STAB2: variants seen among roughly 807,000 people sequenced by gnomAD.
STAB2 encodes stabilin 2, also known as stabilin-2.
Under a neutral mutation model 338.1 loss-of-function variants are expected in STAB2, and 288 were observed. The observed-to-expected ratio is 0.85, with a 90% confidence interval of 0.77 to 0.94. The LOEUF (loss-of-function observed/expected upper bound fraction) is 0.94. Ranked by LOEUF, STAB2 falls within the 40% of genes least tolerant of loss-of-function variation. STAB2 has a pLI of 0.00. For synonymous variants in STAB2, 1,202 were observed against 1,193.3 expected (o/e 1.01, Z -0.15); for missense variants, 3,141 against 3,210.1 (o/e 0.98, Z 0.52).
At position 103,640,267 on chromosome 12, in the gene STAB2, T is replaced by C. The variant is rs1463931098; in HGVS notation, c.1040+11T>C. The stretch of plus-strand genomic sequence containing the variant: ...ACCAGGCCGAACTGAGTAAGTCTTT[T>C]CAATTCCTCCACCAACATTTCCAAG... On this transcript the variant is annotated intron_variant, in intron 9 of 68. Transcript: ENST00000388887. 2.5e-6 allele frequency: 4 copies of C among 1,604,058 alleles called. No homozygotes were observed. The highest frequency in any genetic ancestry group is 3.4e-5 in the Admixed American group (2 of 58,924).
chr12:103,597,373 C>A (rs780511580), intron 3 of STAB2, among the ~76,000 whole-genome samples: 1 of 152,194 alleles, frequency 6.6e-6, no homozygotes, highest in African/African-American at 2.4e-5. Flanking sequence ...GGAACATCCA[C>A]TTCCTTTTTA....
At chr12:103,652,381 G>A (rs1388065465) in intron 11 of STAB2, among the ~76,000 whole-genome samples, 175 bp from the exon 12 acceptor site, 2 of 152,162 alleles carry the variant, frequency 1.3e-5, no homozygotes, top group Non-Finnish European at 2.9e-5. Flanking sequence ...TTGCACTGAT[G>A]GTAATGTATA....
At chr12:103,649,007 AG>A (rs1260776202) in intron 10 of STAB2, among the ~76,000 whole-genome samples, 184 bp downstream of exon 10, 1 of 152,202 alleles carries the variant, frequency 6.6e-6, no homozygotes, top group African/African-American at 2.4e-5. Context: ...GCAAAGAGAT[AG>A]TGCCAAGAGA....
intron 12 of STAB2, 78 bp from the exon 13 acceptor site, chr12:103,654,476 AG>A (rs1874023370): frequency 1.4e-6 from 2 of 1,439,640 alleles, no homozygotes; most frequent in Non-Finnish European, 1.9e-6. Context: ...CAAGGACTCA[AG>A]ACTTCTGACT....
intron 65 of STAB2, among the ~76,000 whole-genome samples, chr12:103,759,708 A>T (rs1336252997): frequency 6.6e-6 from 1 of 152,228 alleles, no homozygotes; most frequent in East Asian, 1.9e-4. Flanking sequence ...GATGGTGGTG[A>T]TGATGATACA....
In STAB2 at chr12:103,730,263, A is replaced by C; in HGVS notation, c.5223+7A>C. 6.2e-7 allele frequency: 1 copy of C among 1,613,462 alleles called. No homozygotes were observed. On this transcript the variant is annotated splice_region_variant and intron_variant, in intron 49 of 68. Transcript: ENST00000388887. ...CAACTCTGGAAGAATTCTGGTAGGT[A>C]AACTCTCTGTTATGTTTTCAGCCTG...
chr12:103,749,689 A>G (rs1008808002), intron 59 of STAB2, among the ~76,000 whole-genome samples: 9 of 150,958 alleles, frequency 6.0e-5, no homozygotes, highest in African/African-American at 2.2e-4. Context: ...AAAAAAAAAA[A>G]ATTAGCCGGG....
At chr12:103,729,518 C>G (rs1328644325) in intron 48 of STAB2, among the ~76,000 whole-genome samples, 1 of 152,084 alleles carries the variant, frequency 6.6e-6, no homozygotes, top group East Asian at 1.9e-4. Context: ...CAAAATACTC[C>G]CTTGATATAG....
At chr12:103,670,378 A>G (rs1875647209) in intron 21 of STAB2, among the ~76,000 whole-genome samples, 1 of 152,206 alleles carries the variant, frequency 6.6e-6, no homozygotes, top group African/African-American at 2.4e-5. Flanking sequence ...GTGAGACTGT[A>G]AAGGGAGGCT....
intron 5 of STAB2, among the ~76,000 whole-genome samples, chr12:103,629,004 A>G (rs755493988): frequency 6.6e-6 from 1 of 152,174 alleles, no homozygotes; most frequent in Non-Finnish European, 1.5e-5. Context: ...TCTAAAATTT[A>G]GTTGTGTAGT....
chr12:103,716,631 GA>G (rs565498277), intron 43 of STAB2, among the ~76,000 whole-genome samples: 3 of 152,076 alleles, frequency 2.0e-5, no homozygotes, highest in East Asian at 1.9e-4. Context: ...CAAAAATAAG[GA>G]AAAAAAATTG....
chr12:103,701,582 T>C (rs1878875829), intron 34 of STAB2, among the ~76,000 whole-genome samples: 1 of 152,232 alleles, frequency 6.6e-6, no homozygotes, highest in South Asian at 2.1e-4. Context: ...GGAAATAATT[T>C]AGACTTTTTT....
chr12:103,626,042 A>T (rs1011615708), intron 5 of STAB2, among the ~76,000 whole-genome samples: 3 of 152,164 alleles, frequency 2.0e-5, no homozygotes, highest in Non-Finnish European at 2.9e-5. Context: ...CTTTTTAATG[A>T]TCGCCATTCT....
At chr12:103,676,166 A>T in intron 24 of STAB2, 145 bp downstream of exon 24, 1 of 522,590 alleles carries the variant, frequency 1.9e-6, no homozygotes, top group Non-Finnish European at 3.2e-6. Context: ...GATTCAAGCG[A>T]TTCTCCTGCC....
At chr12:103,632,422 C>A (rs1252177796) in intron 6 of STAB2, among the ~76,000 whole-genome samples, 2 of 152,096 alleles carry the variant, frequency 1.3e-5, no homozygotes, top group Non-Finnish European at 2.9e-5. Context: ...TGGTGGGTGG[C>A]CGAGAAGTTT....
At chr12:103,591,641 C>T (rs770723648) in intron 2 of STAB2, among the ~76,000 whole-genome samples, 12 of 152,094 alleles carry the variant, frequency 7.9e-5, no homozygotes, top group Admixed American at 3.9e-4. Flanking sequence ...GTGTTAAAAG[C>T]CTTGAGTGTG....
At chr12:103,723,456 T>TACCAGG (rs1437840362) in intron 44 of STAB2, among the ~76,000 whole-genome samples, 1 of 152,228 alleles carries the variant, frequency 6.6e-6, no homozygotes, top group African/African-American at 2.4e-5. Flanking sequence ...AATCACTTCC[T>TACCAGG]ACCAGGTTCC....
chr12:103,677,481 C>T lies in STAB2; in HGVS notation c.2675C>T (p.Thr892Ile). The stretch of plus-strand genomic sequence containing the variant: ...GAATGCATCAAAACTGGCACGGGCA[C>T]CCACACCTGCGTGTGTCAGCAGGGT... ...NAECIKTGTG[T>I]HTCVCQQGWT... The change falls in exon 25 of 69, where the codon ACC becomes ATC. Residue 892 changes from threonine to isoleucine, a missense_variant. Transcript: ENST00000388887. 2 of 1,613,428 alleles carry T rather than the reference C, an allele frequency of 1.2e-6. No individual in the cohort carries two copies. The highest frequency in any genetic ancestry group is 1.7e-6 in the Non-Finnish European group (2 of 1,179,408).
intron 34 of STAB2, among the ~76,000 whole-genome samples, chr12:103,699,662 A>AAC (rs1214227984): frequency 1.3e-5 from 2 of 152,204 alleles, no homozygotes; most frequent in Non-Finnish European, 2.9e-5. Flanking sequence ...GGCACAGCCA[A>AAC]ACCATGTCAA....
Sources: gnomAD v4.1 joint callset for allele counts (sites outside exome capture counted in the v4.1 genomes callset) on GRCh38, gnomAD v4.1.1 for gene constraint, MANE v1.5 for transcripts, NCBI Gene and HGNC (gene_info 2026-07-23, HGNC 2026-07-21) for gene names.